Variants in ANKS1B observed in about 807,000 individuals in gnomAD.
The protein encoded by ANKS1B is ankyrin repeat and sterile alpha motif domain-containing protein 1B.
In ANKS1B, 36 loss-of-function variants were observed where a neutral mutation model predicts 148.3. The ratio of observed to expected loss-of-function variants is 0.24; its 90% CI spans 0.19 to 0.32. The LOEUF is 0.32. Ranked by LOEUF, ANKS1B falls within the 10% of genes least tolerant of loss-of-function variation. The pLI is 1.00. For synonymous variants in ANKS1B, 542 were observed against 560.8 expected (o/e 0.97, Z 0.47); for missense variants, 1,157 against 1,542.6 (o/e 0.75, Z 4.19).
chr12:99,620,428 T>C (rs1045479269), intron 9 of ANKS1B, among the ~76,000 whole-genome samples: 1 of 152,082 alleles, frequency 6.6e-6, no homozygotes. Flanking sequence ...AAAGCATTGA[T>C]TGCAAAGAAG....
At chr12:99,715,900 G>T (rs745367817) in intron 8 of ANKS1B, among the ~76,000 whole-genome samples, 1 of 152,006 alleles carries the variant, frequency 6.6e-6, no homozygotes, top group African/African-American at 2.4e-5. Flanking sequence ...CATTTTATCC[G>T]TGGACCCAAA....
At chr12:99,787,095 G>A (rs952332023) in intron 4 of ANKS1B, among the ~76,000 whole-genome samples, 2 of 152,170 alleles carry the variant, frequency 1.3e-5, no homozygotes, top group Non-Finnish European at 2.9e-5. Context: ...AGCTATTGAA[G>A]GGGTATTAAA....
At chr12:99,983,604 T>C (rs1170672647) in intron 1 of ANKS1B, among the ~76,000 whole-genome samples, 1 of 152,160 alleles carries the variant, frequency 6.6e-6, no homozygotes, top group Non-Finnish European at 1.5e-5. Flanking sequence ...GAAAGAAGGT[T>C]CACTCACTTC....
At chr12:99,534,737 T>G (rs1443611097) in intron 9 of ANKS1B, among the ~76,000 whole-genome samples, 1 of 141,224 alleles carries the variant, frequency 7.1e-6, no homozygotes, top group Non-Finnish European at 1.5e-5. Flanking sequence ...TGAGATGGAG[T>G]CTCACTCTCT....
intron 8 of ANKS1B, among the ~76,000 whole-genome samples, chr12:99,695,649 T>C (rs978402441): frequency 3.9e-5 from 6 of 152,112 alleles, no homozygotes; most frequent in Admixed American, 1.3e-4. Flanking sequence ...AAACACCGCA[T>C]GTTCTCACTT....
chr12:99,710,343 C>CCA (rs1181181025), intron 8 of ANKS1B, among the ~76,000 whole-genome samples: 2 of 152,112 alleles, frequency 1.3e-5, no homozygotes, highest in East Asian at 3.9e-4. Flanking sequence ...TTTGATAAAA[C>CCA]CACAGCTTTA....
At chr12:99,487,230 C>T (rs1034571186) in intron 10 of ANKS1B, among the ~76,000 whole-genome samples, 1 of 152,152 alleles carries the variant, frequency 6.6e-6, no homozygotes, top group Admixed American at 6.5e-5. Flanking sequence ...ATCCTGGAAG[C>T]TAGACTATTA....
At chr12:99,915,847 ACT>A (rs1319527614) in intron 1 of ANKS1B, among the ~76,000 whole-genome samples, 3 of 151,580 alleles carry the variant, frequency 2.0e-5, no homozygotes, top group Non-Finnish European at 4.4e-5. Flanking sequence ...CTGTTCCATG[ACT>A]CTCTCCTATC....
intron 16 of ANKS1B, among the ~76,000 whole-genome samples, chr12:99,055,948 G>A (rs1182093181): frequency 6.6e-6 from 1 of 152,102 alleles, no homozygotes; most frequent in Non-Finnish European, 1.5e-5. Flanking sequence ...GCTGTTCAGT[G>A]GTCTGATTAC....
At chr12:99,111,200 C>T (rs1336008553) in intron 15 of ANKS1B, among the ~76,000 whole-genome samples, 1 of 152,156 alleles carries the variant, frequency 6.6e-6, no homozygotes, top group Non-Finnish European at 1.5e-5. Flanking sequence ...CCTTCTGCCT[C>T]CACGAAATTT....
At chr12:99,473,260 A>G (rs1196132949) in intron 10 of ANKS1B, among the ~76,000 whole-genome samples, 1 of 152,014 alleles carries the variant, frequency 6.6e-6, no homozygotes, top group Non-Finnish European at 1.5e-5. Context: ...TAACACTTTC[A>G]ATATAGATCC....
At chr12:99,620,797 G>GAGAGAA (rs1567496030) in intron 9 of ANKS1B, among the ~76,000 whole-genome samples, 1 of 152,130 alleles carries the variant, frequency 6.6e-6, no homozygotes. Context: ...GCATTGATGA[G>GAGAGAA]AGAGAAAGAG....
chr12:99,598,252 A>C (rs1265289097), intron 9 of ANKS1B, among the ~76,000 whole-genome samples: 1 of 152,250 alleles, frequency 6.6e-6, no homozygotes, highest in Non-Finnish European at 1.5e-5. Flanking sequence ...GTAGCCAGGC[A>C]CTGGGTATTA....
intron 1 of ANKS1B, among the ~76,000 whole-genome samples, chr12:99,880,589 C>A (rs1413544108): frequency 2.0e-5 from 3 of 152,150 alleles, no homozygotes; most frequent in African/African-American, 7.2e-5. Context: ...CTTCTATGTA[C>A]AGGTAGTAGT....
intron 9 of ANKS1B, chr12:99,648,832 G>A (rs984272059): frequency 6.4e-7 from 1 of 1,568,910 alleles, no homozygotes; most frequent in African/African-American, 1.4e-5. Flanking sequence ...ATGCTTTGGG[G>A]GAGAGCAGGT....
chr12:99,126,757 A>C (rs1176251909), intron 15 of ANKS1B, among the ~76,000 whole-genome samples: 3 of 152,196 alleles, frequency 2.0e-5, no homozygotes, highest in African/African-American at 7.2e-5. Flanking sequence ...GAAAATATAA[A>C]TGATCTGTGC....
At chr12:98,894,057 C>A (rs1420855450) in intron 17 of ANKS1B, among the ~76,000 whole-genome samples, 1 of 152,206 alleles carries the variant, frequency 6.6e-6, no homozygotes, top group Non-Finnish European at 1.5e-5. Context: ...TGCTGCTCTG[C>A]TCCTGCTCTC....
chr12:99,654,962 G>A, intron 9 of ANKS1B, 105 bp downstream of exon 9: 1 of 1,291,602 alleles, frequency 7.7e-7, no homozygotes, highest in Admixed American at 2.6e-5. Flanking sequence ...AAATCACAAA[G>A]TGAACAAGAT....
At chr12:99,963,073 A>T (rs1203574427) in intron 1 of ANKS1B, among the ~76,000 whole-genome samples, 1 of 152,168 alleles carries the variant, frequency 6.6e-6, no homozygotes, top group African/African-American at 2.4e-5. Context: ...TCGGCCTCCC[A>T]AAGTGCTGGG....
Sources: allele counts gnomAD v4.1 joint callset (sites outside exome capture counted in the v4.1 genomes callset), GRCh38; gene constraint gnomAD v4.1.1; transcripts MANE v1.5; gene names NCBI Gene and HGNC (gene_info 2026-07-23, HGNC 2026-07-21).